Variants in POLR1D observed in about 807,000 individuals in gnomAD.
POLR1D encodes RNA polymerase I and III subunit D.
POLR1D carries 8 observed loss-of-function variants against 10.8 expected under a neutral mutation model. The observed-to-expected ratio is 0.74, with a 90% CI of 0.43 to 1.33. The LOEUF (loss-of-function observed/expected upper bound fraction) is 1.33. POLR1D is among the 40% of genes most tolerant of loss of function. The pLI, the probability that POLR1D is intolerant of heterozygous loss-of-function variation, is 0.01. For synonymous variants in POLR1D, 54 were observed against 57.2 expected, an observed-to-expected ratio of 0.94 and a Z score of 0.25; for missense variants, 152 against 161.7, an observed-to-expected ratio of 0.94 and a Z score of 0.32.
At chr13:27,644,870 A>T (rs903028589) in intron 1 of POLR1D, among the ~76,000 whole-genome samples, 33 of 152,150 alleles carry the variant, frequency 2.2e-4, no homozygotes, top group African/African-American at 8.0e-4. Flanking sequence ...ATAATCTTTG[A>T]TAATTTAAGT....
intron 1 of POLR1D, among the ~76,000 whole-genome samples, chr13:27,638,878 A>G (rs2138542940): frequency 6.6e-6 from 1 of 152,222 alleles, no homozygotes; most frequent in African/African-American, 2.4e-5. Context: ...AAAACAGTAC[A>G]CCTACCAAAC....
chr13:27,652,560 C>T (rs1019750667), intron 2 of POLR1D, among the ~76,000 whole-genome samples: 5 of 152,184 alleles, frequency 3.3e-5, no homozygotes, highest in Non-Finnish European at 5.9e-5. Flanking sequence ...AAGGAAGGCA[C>T]ACCCCTTTCC....
At chr13:27,632,588 C>T (rs2138533987) in intron 1 of POLR1D, among the ~76,000 whole-genome samples, 1 of 152,260 alleles carries the variant, frequency 6.6e-6, no homozygotes, top group East Asian at 1.9e-4. Flanking sequence ...TAGTAAAGAA[C>T]TGAAGGATAG....
intron 2 of POLR1D, among the ~76,000 whole-genome samples, chr13:27,659,463 G>A (rs761228022): frequency 1.3e-5 from 2 of 152,124 alleles, no homozygotes; most frequent in Non-Finnish European, 2.9e-5. Flanking sequence ...GAAACCCAAA[G>A]AGTTTTCCTA....
At chr13:27,627,134 CTT>C (rs753880007), downstream of POLR1D, among the ~76,000 whole-genome samples, 2 of 152,180 alleles carry the variant, frequency 1.3e-5, no homozygotes, top group African/African-American at 2.4e-5. Context: ...AAACTGGTCT[CTT>C]AGGAAGTTTA....
chr13:27,648,521 A>T, intron 2 of POLR1D: 1 of 965,432 alleles, frequency 1.0e-6, no homozygotes, highest in Non-Finnish European at 1.6e-6. Flanking sequence ...TAAATATGTA[A>T]ATCTTTAGCA....
At chr13:27,648,064 G>T in intron 1 of POLR1D, 1 of 248,952 alleles carries the variant, frequency 4.0e-6, no homozygotes, top group Non-Finnish European at 7.9e-6. Flanking sequence ...TACATATTTG[G>T]CTGTTCATGT....
intron 1 of POLR1D, among the ~76,000 whole-genome samples, chr13:27,641,156 A>G (rs1353833999): frequency 6.6e-6 from 1 of 152,206 alleles, no homozygotes; most frequent in African/African-American, 2.4e-5. Context: ...GGGGCACTGC[A>G]TTTTCAATAC....
chr13:27,620,872 T>C (rs1215889517), upstream of POLR1D: 1 of 141,402 alleles, frequency 7.1e-6, no homozygotes, highest in African/African-American at 2.5e-5. Flanking sequence ...GTGGCACAGC[T>C]GGGGAAGGAG....
chr13:27,627,730 T>G (rs1018847237), downstream of POLR1D, among the ~76,000 whole-genome samples: 59 of 111,960 alleles, frequency 5.3e-4, no homozygotes, highest in East Asian at 3.6e-3. Context: ...AGTTTTAGTT[T>G]TTTTTTTTTT....
intron 1 of POLR1D, among the ~76,000 whole-genome samples, chr13:27,642,179 G>T (rs572909819): frequency 6.6e-6 from 1 of 152,338 alleles, no homozygotes; most frequent in East Asian, 1.9e-4. Context: ...ATTTATCTCT[G>T]ATCAGTAGCT....
intron 2 of POLR1D, among the ~76,000 whole-genome samples, chr13:27,654,938 G>A (rs982779914): frequency 1.3e-5 from 2 of 152,154 alleles, no homozygotes; most frequent in African/African-American, 4.8e-5. Context: ...TCAAAACTAT[G>A]GAAATAGCTT....
chr13:27,665,617 A>G (rs1956408072), intron 2 of POLR1D: 2 of 1,422,116 alleles, frequency 1.4e-6, no homozygotes, highest in African/African-American at 1.4e-5. Context: ...ACTAATCACG[A>G]TAGTGGGTCC....
At chr13:27,640,562 G>A (rs1295024340) in intron 1 of POLR1D, among the ~76,000 whole-genome samples, 1 of 152,088 alleles carries the variant, frequency 6.6e-6, no homozygotes, top group African/African-American at 2.4e-5. Flanking sequence ...TTCAGTTCAT[G>A]ACTCTGAAGA....
At position 27,660,352 on chromosome 13, in the gene POLR1D, GA is replaced by G. The variant is rs376863616; in HGVS notation, c.102-5333del. 3.1e-4 allele frequency among the ~76,000 whole-genome samples: 47 copies of G among 152,354 alleles called. No individual in the cohort carries two copies. The Middle Eastern group carries it at 0.014, about 44-fold the overall frequency. ...GTGCAAAGACACGTACAGAATGGAA[GA>G]TACGCTATTTGCTAGTATGGGAATG... On this transcript the variant is annotated intron_variant, in intron 2 of 2. Coordinates refer to the POLR1D transcript ENST00000399697.
intron 1 of POLR1D, among the ~76,000 whole-genome samples, chr13:27,643,739 C>T (rs542593770): frequency 1.1e-4 from 16 of 152,276 alleles, no homozygotes; most frequent in Admixed American, 4.6e-4. Context: ...TTCTTTTACA[C>T]GTATGTGGAC....
In POLR1D at chr13:27,646,579, C is replaced by T. The variant is rs1229777399; in HGVS notation, c.27-1800C>T. On this transcript the variant is annotated intron_variant, in intron 1 of 2. Coordinates refer to the POLR1D transcript ENST00000399697. Reference sequence around the variant, plus strand: ...TTTTCATTGATCTGTAGCAGTGGGCCTTCCCAAGAAGGATCAGAAAATGTC... The same window carrying T: ...TTTTCATTGATCTGTAGCAGTGGGCTTTCCCAAGAAGGATCAGAAAATGTC... Among the ~76,000 whole-genome samples the T allele has an allele frequency of 3.9e-5, 6 of 152,250 alleles. No homozygotes were observed. In the South Asian group the frequency reaches 8.3e-4, roughly 21 times the overall value.
chr13:27,658,203 C>T (rs957605183), intron 2 of POLR1D, among the ~76,000 whole-genome samples: 19 of 152,120 alleles, frequency 1.2e-4, no homozygotes, highest in Non-Finnish European at 1.0e-4. Context: ...AAGAGCTACC[C>T]GGGTGATTCT....
At chr13:27,623,478 A>G, downstream of POLR1D, 2 of 911,360 alleles carry the variant, frequency 2.2e-6, no homozygotes. Context: ...GTTCCATGCA[A>G]CCAAATGGTC....
Sources: allele counts gnomAD v4.1 joint callset (sites outside exome capture counted in the v4.1 genomes callset), GRCh38; gene constraint gnomAD v4.1.1; transcripts MANE v1.5; gene names NCBI Gene and HGNC (gene_info 2026-07-23, HGNC 2026-07-21).